ADGRB3: variants seen among roughly 807,000 people sequenced by gnomAD.
ADGRB3 encodes the protein adhesion G protein-coupled receptor B3.
A neutral mutation model predicts 193.4 loss-of-function variants in ADGRB3; 37 were observed. The ratio of observed to expected loss-of-function variants is 0.19; its 90% CI spans 0.15 to 0.25. The LOEUF (loss-of-function observed/expected upper bound fraction) is 0.25, where lower values mean the gene tolerates loss of function less well. Among genes scored for constraint, ADGRB3 ranks in the 10% least tolerant of loss-of-function variants. ADGRB3 has a pLI of 1.00. For missense variants in ADGRB3, 1,637 were observed against 1,852.9 expected, an observed-to-expected ratio of 0.88 and a Z score of 2.14; for synonymous variants, 690 against 644.2, an observed-to-expected ratio of 1.07 and a Z score of -1.08.
At chr6:69,054,424 A>G (rs1002690487) in intron 15 of ADGRB3, among the ~76,000 whole-genome samples, 10 of 152,166 alleles carry the variant, frequency 6.6e-5, no homozygotes, top group Admixed American at 2.6e-4. Flanking sequence ...GCTGAAAGCA[A>G]TCAACCTGAA....
chr6:69,050,982 C>T (rs1582423130), intron 15 of ADGRB3, among the ~76,000 whole-genome samples: 1 of 152,230 alleles, frequency 6.6e-6, no homozygotes, highest in Admixed American at 6.5e-5. Context: ...ACTCACTCAC[C>T]TACACAAATG....
At chr6:68,959,237 G>A (rs540089474) in intron 8 of ADGRB3, among the ~76,000 whole-genome samples, 7 of 152,100 alleles carry the variant, frequency 4.6e-5, no homozygotes, top group African/African-American at 1.2e-4. Context: ...TGAGTATAGC[G>A]TTCCTAATTT....
chr6:69,290,568 A>G (rs1474955336), intron 20 of ADGRB3, among the ~76,000 whole-genome samples: 2 of 152,170 alleles, frequency 1.3e-5, no homozygotes, highest in Non-Finnish European at 2.9e-5. Flanking sequence ...CTTTAATTAT[A>G]TTTGTCAGTA....
At chr6:69,212,920 A>G (rs1344058776) in intron 17 of ADGRB3, among the ~76,000 whole-genome samples, 3 of 152,154 alleles carry the variant, frequency 2.0e-5, no homozygotes, top group Non-Finnish European at 4.4e-5. Flanking sequence ...TAAAGTGGAT[A>G]AAGAGGAGTG....
chr6:69,265,582 A>G (rs1278525837), intron 20 of ADGRB3, among the ~76,000 whole-genome samples: 1 of 152,002 alleles, frequency 6.6e-6, no homozygotes, highest in African/African-American at 2.4e-5. Context: ...TTAGATGGAA[A>G]GTTACCAAAT....
At chr6:69,354,504 T>A (rs1769295361) in intron 27 of ADGRB3, among the ~76,000 whole-genome samples, 176 bp downstream of exon 27, 1 of 152,128 alleles carries the variant, frequency 6.6e-6, no homozygotes, top group South Asian at 2.1e-4. Context: ...GGCTTCAGAG[T>A]CCAGGACATG....
chr6:69,040,338 T>TTTCTTTC lies in ADGRB3; in HGVS notation c.2108-7844_2108-7838dup, dbSNP rs1386678916. On this transcript the variant is annotated intron_variant, in intron 13 of 31. Coordinates refer to ENST00000370598, the MANE Select transcript of ADGRB3 (RefSeq NM_001704.3). Reference sequence around the variant, plus strand: ...CTTTCTTTCTTTCTTTCTTTCTTTCTTTCTTTCTTTCTTTCTTTCTTTCTT... The same window carrying TTTCTTTC: ...CTTTCTTTCTTTCTTTCTTTCTTTCTTTCTTTCTTCTTTCTTTCTTTCTTTCTTTCTT... Among the ~76,000 whole-genome samples the TTTCTTTC allele has an allele frequency of 6.0e-5, 3 of 49,590 alleles. No homozygotes were observed. In the Admixed American group the frequency reaches 9.1e-4, roughly 15 times the overall value. 32.5% of individuals were successfully genotyped at this position (49,590 alleles called of 152,430 possible).
At chr6:69,332,528 C>T in intron 23 of ADGRB3, 1 of 985,368 alleles carries the variant, frequency 1.0e-6, no homozygotes, top group Non-Finnish European at 1.2e-6. Context: ...TCACCCTAAC[C>T]TCATACTCTA....
chr6:68,636,403 A>T (rs1432006929), intron 1 of ADGRB3, among the ~76,000 whole-genome samples: 1 of 151,810 alleles, frequency 6.6e-6, no homozygotes, highest in Non-Finnish European at 1.5e-5. Flanking sequence ...ATCAGTTTTG[A>T]GAATAGCTAA....
rs143242284 is a variant in ADGRB3, at chr6:68,743,164, A to T, written c.757+103732A>T. 1.4e-4 allele frequency among the ~76,000 whole-genome samples: 22 copies of T among 152,094 alleles called. No individual in the cohort carries two copies. The East Asian group carries it at 3.3e-3, about 23-fold the overall frequency. ...TTTCTCTGTTCCTTCTTTTATTGTT[A>T]TTCCTATTACTTGGGTATGAGGTCA... On this transcript the variant is annotated intron_variant, in intron 3 of 31. Coordinates refer to ENST00000370598, the MANE Select transcript of ADGRB3 (RefSeq NM_001704.3).
chr6:69,278,751 T>A (rs1428518392), intron 20 of ADGRB3, among the ~76,000 whole-genome samples: 3 of 152,130 alleles, frequency 2.0e-5, no homozygotes, highest in Admixed American at 2.0e-4. Flanking sequence ...CTATCCTTTC[T>A]GATTTGGTCT....
chr6:69,141,695 T>A (rs561750319), intron 17 of ADGRB3, among the ~76,000 whole-genome samples: 1 of 152,226 alleles, frequency 6.6e-6, no homozygotes, highest in Admixed American at 6.5e-5. Flanking sequence ...ATCATAAAGA[T>A]CTAAGTTTCT....
chr6:69,202,266 G>C (rs1412461639), intron 17 of ADGRB3, among the ~76,000 whole-genome samples: 1 of 152,148 alleles, frequency 6.6e-6, no homozygotes, highest in African/African-American at 2.4e-5. Flanking sequence ...TTCTGAGATT[G>C]AACTAATATT....
At chr6:69,104,011 A>G (rs1174345705) in intron 17 of ADGRB3, among the ~76,000 whole-genome samples, 1 of 152,072 alleles carries the variant, frequency 6.6e-6, no homozygotes, top group East Asian at 1.9e-4. Context: ...TTTGTATCGT[A>G]GATTCCATTA....
At position 68,733,814 on chromosome 6, in the gene ADGRB3, G is replaced by A. The variant is rs914327493; in HGVS notation, c.757+94382G>A. Among the ~76,000 whole-genome samples, 21 of 151,934 alleles carry A rather than the reference G, an allele frequency of 1.4e-4. 1 individual carries two copies. The highest frequency in any genetic ancestry group is 1.1e-3 in the Admixed American group (16 of 15,216). On this transcript the variant is annotated intron_variant, in intron 3 of 31. Coordinates refer to ENST00000370598, the MANE Select transcript of ADGRB3 (RefSeq NM_001704.3). ...ACTTAAAGAACGTAAGAATGTACATGTAAAATGTAATGTACGTGTAAGAAT... is the reference window on the plus strand; with the variant it reads ...ACTTAAAGAACGTAAGAATGTACATATAAAATGTAATGTACGTGTAAGAAT...
intron 17 of ADGRB3, among the ~76,000 whole-genome samples, chr6:69,145,975 A>G (rs770963044): frequency 1.3e-5 from 2 of 152,132 alleles, no homozygotes; most frequent in East Asian, 1.9e-4. Flanking sequence ...GAAAAGCACT[A>G]TAAGTTCCCA....
chr6:69,386,208 A>G (rs1770066060), intron 31 of ADGRB3, among the ~76,000 whole-genome samples: 1 of 152,120 alleles, frequency 6.6e-6, no homozygotes, highest in Non-Finnish European at 1.5e-5. Context: ...AGATTTTCTG[A>G]CAAAGTTTAA....
chr6:69,084,891 G>T (rs1772501446), intron 17 of ADGRB3, among the ~76,000 whole-genome samples: 1 of 152,122 alleles, frequency 6.6e-6, no homozygotes, highest in Non-Finnish European at 1.5e-5. Flanking sequence ...GCTCAATAAA[G>T]GTTTGGGGTA....
At chr6:69,037,786 A>G (rs1770917862) in intron 13 of ADGRB3, among the ~76,000 whole-genome samples, 2 of 152,016 alleles carry the variant, frequency 1.3e-5, no homozygotes, top group Admixed American at 1.3e-4. Context: ...CATTTTCTCA[A>G]TATCTTCATA....
Sources: gnomAD v4.1 joint callset for allele counts (sites outside exome capture counted in the v4.1 genomes callset) on GRCh38, gnomAD v4.1.1 for gene constraint, MANE v1.5 for transcripts, NCBI Gene and HGNC (gene_info 2026-07-23, HGNC 2026-07-21) for gene names.